The following ZC3H3 variants were observed in gnomAD, a reference collection of about 807,000 sequenced individuals.
ZC3H3 encodes zinc finger CCCH domain-containing protein 3.
A neutral mutation model predicts 77.3 loss-of-function variants in ZC3H3; 36 were observed. The observed-to-expected ratio is 0.47, with a 90% CI of 0.36 to 0.61. The LOEUF is 0.61. ZC3H3 is among the 20% of genes least tolerant of loss of function. The pLI, the probability that ZC3H3 is intolerant of heterozygous loss-of-function variation, is 0.00. For synonymous variants in ZC3H3, 626 were observed against 555.2 expected (o/e 1.13, Z -1.79); for missense variants, 1,331 against 1,312.2 (o/e 1.01, Z -0.22).
At chr8:143,535,414 T>C (rs986066544) in intron 3 of ZC3H3, among the ~76,000 whole-genome samples, 1 of 152,172 alleles carries the variant, frequency 6.6e-6, no homozygotes, top group African/African-American at 2.4e-5. Context: ...ACGCCCCACC[T>C]TCTCCAGATG....
intron 3 of ZC3H3, among the ~76,000 whole-genome samples, chr8:143,509,329 C>T (rs371471307): frequency 6.6e-6 from 1 of 152,262 alleles, no homozygotes; most frequent in Non-Finnish European, 1.5e-5. Flanking sequence ...TTATCAATAA[C>T]CCCGAGGTGA....
At chr8:143,512,786 G>A (rs563894416) in intron 3 of ZC3H3, among the ~76,000 whole-genome samples, 8 of 152,370 alleles carry the variant, frequency 5.3e-5, no homozygotes, top group South Asian at 4.1e-4. Context: ...CGCCAGGGAC[G>A]AGGCAACGTC....
chr8:143,478,570 T>C (rs944668441), intron 4 of ZC3H3, among the ~76,000 whole-genome samples: 27 of 152,230 alleles, frequency 1.8e-4, no homozygotes, highest in African/African-American at 5.8e-4. Flanking sequence ...AGTGCAATGG[T>C]GCGATCTCGG....
intron 4 of ZC3H3, among the ~76,000 whole-genome samples, chr8:143,506,398 G>A (rs1821697190): frequency 6.6e-6 from 1 of 152,154 alleles, no homozygotes; most frequent in South Asian, 2.1e-4. Flanking sequence ...AGTTAATTTA[G>A]CTCGATCATG....
rs73715642 is a variant in ZC3H3 at position 143,511,201 on chromosome 8, C to T, written c.1562-3302G>A. ...GTACCAAGCACCACATGCCCAATGA[C>T]GCATCATCAGGAGGGCGGCCGCTGA... On this transcript the variant is annotated intron_variant, in intron 3 of 11. Coordinates refer to ENST00000262577, the MANE Select transcript of ZC3H3 (RefSeq NM_015117.3). Among the ~76,000 whole-genome samples, 178 of 152,284 alleles carry T rather than the reference C, an allele frequency of 1.2e-3. 2 individuals carry two copies. The highest frequency in any genetic ancestry group is 3.9e-3 in the African/African-American group (164 of 41,576).
intron 4 of ZC3H3, among the ~76,000 whole-genome samples, chr8:143,483,173 C>T (rs1321210461): frequency 6.6e-6 from 1 of 152,242 alleles, no homozygotes; most frequent in Non-Finnish European, 1.5e-5. Context: ...AGCGAATCCC[C>T]AAGTAGGTCA....
chr8:143,524,965 C>G (rs1822363892), intron 3 of ZC3H3, among the ~76,000 whole-genome samples: 1 of 111,996 alleles, frequency 8.9e-6, no homozygotes, highest in South Asian at 3.2e-4. Context: ...GAGACCAGGG[C>G]TCTGTAATAC....
At chr8:143,521,765 G>A (rs530377550) in intron 3 of ZC3H3, among the ~76,000 whole-genome samples, 6 of 152,220 alleles carry the variant, frequency 3.9e-5, no homozygotes, top group African/African-American at 1.4e-4. Flanking sequence ...CCCCCAGAAG[G>A]GGTCCCCAGG....
chr8:143,539,532 C>T (rs1383517769), intron 1 of ZC3H3, among the ~76,000 whole-genome samples: 1 of 152,168 alleles, frequency 6.6e-6, no homozygotes, highest in African/African-American at 2.4e-5. Context: ...GCCTTTTCTC[C>T]ATCAGCTCCA....
chr8:143,439,955 C>T, intron 11 of ZC3H3, 86 bp downstream of exon 11: 2 of 1,140,742 alleles, frequency 1.8e-6, no homozygotes, highest in South Asian at 1.8e-5. Flanking sequence ...AGGGGGGGGC[C>T]CTGGGGGCCT....
intron 4 of ZC3H3, among the ~76,000 whole-genome samples, chr8:143,496,628 A>T (rs1316575460): frequency 6.6e-6 from 1 of 152,246 alleles, no homozygotes; most frequent in Non-Finnish European, 1.5e-5. Context: ...GCATGGAAGG[A>T]GGGGTGGGAA....
chr8:143,529,887 C>T (rs1822546189), intron 3 of ZC3H3, among the ~76,000 whole-genome samples: 1 of 152,210 alleles, frequency 6.6e-6, no homozygotes, highest in African/African-American at 2.4e-5. Context: ...AAAGAGTCAC[C>T]CAGGCAGGAC....
chr8:143,486,313 C>T (rs1392982043), intron 4 of ZC3H3, among the ~76,000 whole-genome samples: 2 of 152,234 alleles, frequency 1.3e-5, no homozygotes, highest in African/African-American at 2.4e-5. Flanking sequence ...TGGGCGGCTA[C>T]GACAACAGAA....
intron 9 of ZC3H3, among the ~76,000 whole-genome samples, chr8:143,444,850 G>C (rs1819828332): frequency 6.6e-6 from 1 of 151,988 alleles, no homozygotes; most frequent in Admixed American, 6.5e-5. Context: ...ACAAGAAAAA[G>C]AAAGAAAACT....
In ZC3H3 at chr8:143,462,646, G is replaced by A. The variant is rs144482653; in HGVS notation, c.2307+3071C>T. 1.4e-3 allele frequency among the ~76,000 whole-genome samples: 217 copies of A among 152,312 alleles called. No homozygotes were observed. The highest frequency in any genetic ancestry group is 5.0e-3 in the African/African-American group (208 of 41,572). ...GCTCAGCCAGGGCCTTCCCTCTCCC[G>A]ACAGCTCCCTGCAGACAGGCACCAA... On this transcript the variant is annotated intron_variant, in intron 9 of 11. Coordinates refer to ENST00000262577, the MANE Select transcript of ZC3H3 (RefSeq NM_015117.3). The surrounding 1 kb of genome is among the most constrained non-coding windows in gnomAD (Gnocchi z 4.7).
intron 4 of ZC3H3, among the ~76,000 whole-genome samples, chr8:143,506,104 G>A (rs1015526760): frequency 2.0e-5 from 3 of 152,256 alleles, no homozygotes; most frequent in Non-Finnish European, 4.4e-5. Context: ...ACTTGTTTCT[G>A]TGCAACAACA....
At chr8:143,438,213 C>T (rs1819635094) in intron 11 of ZC3H3, 126 bp from the exon 12 acceptor site, 5 of 1,210,868 alleles carry the variant, frequency 4.1e-6, no homozygotes, top group Non-Finnish European at 5.9e-6. Context: ...GCAAGGTCTG[C>T]AGAGATACCC....
chr8:143,510,943 T>G (rs1821852195), intron 3 of ZC3H3, among the ~76,000 whole-genome samples: 1 of 152,206 alleles, frequency 6.6e-6, no homozygotes, highest in Non-Finnish European at 1.5e-5. Context: ...CACGCAGCCC[T>G]CTCTGCCCGC....
At chr8:143,467,780 C>T (rs1820451045) in intron 8 of ZC3H3, among the ~76,000 whole-genome samples, 2 of 139,572 alleles carry the variant, frequency 1.4e-5, no homozygotes, top group African/African-American at 5.4e-5. Flanking sequence ...CCCTCCCGCC[C>T]TCTGCCCAGG....
Sources: gnomAD v4.1 joint callset for allele counts (sites outside exome capture counted in the v4.1 genomes callset) on GRCh38, gnomAD v4.1.1 for gene constraint, Gnocchi (gnomAD v3.1) non-coding constraint, MANE v1.5 for transcripts, NCBI Gene and HGNC (gene_info 2026-07-23, HGNC 2026-07-21) for gene names.